ESRRB: variants seen among roughly 807,000 people sequenced by gnomAD.
ESRRB encodes the protein steroid hormone receptor ERR2.
A neutral mutation model predicts 46.0 loss-of-function variants in ESRRB; 16 were observed. The ratio of observed to expected loss-of-function variants is 0.35; its 90% CI spans 0.24 to 0.53. The LOEUF is 0.53. Among genes scored for constraint, ESRRB ranks in the 20% least tolerant of loss-of-function variants. ESRRB has a pLI of 0.93. For synonymous variants in ESRRB, 246 were observed against 259.6 expected (o/e 0.95, Z 0.50); for missense variants, 488 against 607.4 (o/e 0.80, Z 2.07).
intron 2 of ESRRB, among the ~76,000 whole-genome samples, chr14:76,453,738 G>A (rs1450305794): frequency 6.6e-6 from 1 of 151,562 alleles, no homozygotes; most frequent in Non-Finnish European, 1.5e-5. Context: ...AGCCTCCAAA[G>A]TAGCTGGTAC....
chr14:76,491,509 C>T lies in ESRRB; in HGVS notation c.913C>T (p.Leu305Phe), dbSNP rs1369723860. ...SLLQSAWMEI[L>F]ILGIVYRSLP... The stretch of plus-strand genomic sequence containing the variant: ...GCTGCAGAGTGCCTGGATGGAAATC[C>T]TCATCCTGGGCATCGTGTACCGCTC... Residue 305 changes from leucine to phenylalanine, a missense_variant, in exon 6 of 7, where the codon CTC becomes TTC. Physicochemically the swap from Leu to Phe is conservative, Grantham distance 22. Coordinates refer to ENST00000644823, the MANE Select transcript of ESRRB (RefSeq NM_001379180.1). 2 of 1,603,794 alleles carry T rather than the reference C, an allele frequency of 1.2e-6. No individual in the cohort carries two copies. The highest frequency in any genetic ancestry group is 1.7e-6 in the Non-Finnish European group (2 of 1,175,586).
At chr14:76,453,370 A>G (rs1312398796) in intron 2 of ESRRB, among the ~76,000 whole-genome samples, 1 of 152,218 alleles carries the variant, frequency 6.6e-6, no homozygotes, top group African/African-American at 2.4e-5. Flanking sequence ...CAAAAGTTGC[A>G]GAGTAGGGGC....
chr14:76,370,259 G>A (rs540319946), upstream of ESRRB, among the ~76,000 whole-genome samples: 170 of 151,662 alleles, frequency 1.1e-3, no homozygotes, highest in African/African-American at 2.7e-3. Context: ...TTAGCCAGGT[G>A]TGGTGGTGGG....
At chr14:76,397,995 C>T (rs1279527543) in intron 1 of ESRRB, among the ~76,000 whole-genome samples, 1 of 152,206 alleles carries the variant, frequency 6.6e-6, no homozygotes, top group African/African-American at 2.4e-5. Context: ...CAGTGGGGAA[C>T]AGAGGATGGG....
At chr14:76,448,163 C>T (rs1314380961) in intron 2 of ESRRB, among the ~76,000 whole-genome samples, 2 of 152,102 alleles carry the variant, frequency 1.3e-5, no homozygotes, top group Non-Finnish European at 2.9e-5. Flanking sequence ...TAGGCATTTC[C>T]TCCAGGAAGG....
chr14:76,460,906 G>A (rs1053539503), intron 2 of ESRRB, among the ~76,000 whole-genome samples: 13 of 151,674 alleles, frequency 8.6e-5, no homozygotes, highest in South Asian at 2.1e-4. Flanking sequence ...GGGTTTCACC[G>A]TATTGGCCAG....
intron 1 of ESRRB, among the ~76,000 whole-genome samples, chr14:76,322,262 C>A (rs1883876221): frequency 6.6e-6 from 1 of 152,202 alleles, no homozygotes; most frequent in Admixed American, 6.5e-5. Context: ...CTCTGTTAAT[C>A]AGTCTTAGCT....
At chr14:76,331,919 G>A (rs1222488748) in intron 1 of ESRRB, among the ~76,000 whole-genome samples, 1 of 151,756 alleles carries the variant, frequency 6.6e-6, no homozygotes, top group Non-Finnish European at 1.5e-5. Context: ...GGTGCCCAGC[G>A]CCCAGTCATC....
chr14:76,314,679 G>A (rs577764559), intron 1 of ESRRB, among the ~76,000 whole-genome samples: 1 of 152,138 alleles, frequency 6.6e-6, no homozygotes, highest in Non-Finnish European at 1.5e-5. Context: ...ACTGTTCCCA[G>A]GTAAAGGCAG....
intron 1 of ESRRB, among the ~76,000 whole-genome samples, chr14:76,400,995 A>G (rs1885918133): frequency 6.6e-6 from 1 of 152,084 alleles, no homozygotes. Context: ...GGGAGTTGCC[A>G]GACACATGTG....
chr14:76,360,761 T>C (rs1884453127), intron 1 of ESRRB, among the ~76,000 whole-genome samples: 1 of 152,288 alleles, frequency 6.6e-6, no homozygotes, highest in African/African-American at 2.4e-5. Context: ...TAGCACTGAA[T>C]GTAACAAGAC....
chr14:76,470,140 G>A (rs1360530281), intron 3 of ESRRB, among the ~76,000 whole-genome samples: 4 of 151,608 alleles, frequency 2.6e-5, no homozygotes, highest in African/African-American at 7.3e-5. Context: ...GTAGAGATGG[G>A]GTTTCACCAT....
intron 1 of ESRRB, among the ~76,000 whole-genome samples, chr14:76,349,343 G>A (rs1373941820): frequency 6.6e-6 from 1 of 152,204 alleles, no homozygotes; most frequent in Non-Finnish European, 1.5e-5. Flanking sequence ...CAAGATCTCA[G>A]TGGCTCACAC....
chr14:76,387,376 C>G (rs908148457), intron 1 of ESRRB, among the ~76,000 whole-genome samples: 1 of 152,198 alleles, frequency 6.6e-6, no homozygotes, highest in Non-Finnish European at 1.5e-5. Context: ...GGCACTGCAC[C>G]CCATGGGTGA....
At chr14:76,404,602 C>T (rs551542409) in intron 1 of ESRRB, 3 of 153,038 alleles carry the variant, frequency 2.0e-5, no homozygotes, top group South Asian at 2.1e-4. Flanking sequence ...CTTCCTCCAC[C>T]GTCTCCTCTT....
At chr14:76,359,181 C>T (rs952250423) in intron 1 of ESRRB, among the ~76,000 whole-genome samples, 1 of 152,184 alleles carries the variant, frequency 6.6e-6, no homozygotes, top group African/African-American at 2.4e-5. Flanking sequence ...ACATCAGTTC[C>T]TATGATCATC....
chr14:76,314,773 A>G (rs182419135), intron 1 of ESRRB, among the ~76,000 whole-genome samples: 88 of 152,170 alleles, frequency 5.8e-4, no homozygotes, highest in African/African-American at 2.0e-3. Flanking sequence ...TCAGAAGTCT[A>G]AGTCCCGGCA....
At chr14:76,346,721 C>T (rs773579522) in intron 1 of ESRRB, among the ~76,000 whole-genome samples, 1 of 152,216 alleles carries the variant, frequency 6.6e-6, no homozygotes, top group African/African-American at 2.4e-5. Flanking sequence ...GGAGCATCTG[C>T]CCCAGCTGCT....
At chr14:76,348,880 C>A (rs1884281107) in intron 1 of ESRRB, among the ~76,000 whole-genome samples, 1 of 152,082 alleles carries the variant, frequency 6.6e-6, no homozygotes, top group African/African-American at 2.4e-5. Flanking sequence ...TTTCTCCCCC[C>A]AAGAACAGAA....
Sources: allele counts gnomAD v4.1 joint callset (sites outside exome capture counted in the v4.1 genomes callset), GRCh38; gene constraint gnomAD v4.1.1; transcripts MANE v1.5; gene names NCBI Gene and HGNC (gene_info 2026-07-23, HGNC 2026-07-21).